The following OSBP2 variants were observed in gnomAD, a reference collection of about 807,000 sequenced individuals.
The protein encoded by OSBP2 is oxysterol-binding protein 2.
A neutral mutation model predicts 96.0 loss-of-function variants in OSBP2; 66 were observed. The ratio of observed to expected loss-of-function variants is 0.69; its 90% CI spans 0.56 to 0.84. The LOEUF is 0.84. Among genes scored for constraint, OSBP2 ranks in the 40% least tolerant of loss-of-function variants. OSBP2 has a pLI of 0.00. For missense variants in OSBP2, 1,038 were observed against 1,222.7 expected (o/e 0.85, Z 2.25); for synonymous variants, 525 against 520.9 (o/e 1.01, Z -0.11).
intron 12 of OSBP2, chr22:30,894,263 C>T: frequency 2.4e-6 from 1 of 413,880 alleles, no homozygotes; most frequent in Non-Finnish European, 4.3e-6. Context: ...AAATAAAAAA[C>T]ATACTTGAAA....
chr22:30,849,153 A>G (rs2038928920), intron 2 of OSBP2, among the ~76,000 whole-genome samples: 1 of 152,152 alleles, frequency 6.6e-6, no homozygotes, highest in Non-Finnish European at 1.5e-5. Context: ...CTGTAGTCCT[A>G]GCTGCTCAGG....
At chr22:30,831,552 CCTGCTT>C (rs2038522407) in intron 2 of OSBP2, among the ~76,000 whole-genome samples, 2 of 152,156 alleles carry the variant, frequency 1.3e-5, no homozygotes, top group South Asian at 4.1e-4. Flanking sequence ...CCTAGCAAAA[CCTGCTT>C]CTTGACTTGT....
At chr22:30,738,660 A>T (rs556092677) in intron 1 of OSBP2, among the ~76,000 whole-genome samples, 1 of 151,978 alleles carries the variant, frequency 6.6e-6, no homozygotes, top group East Asian at 1.9e-4. Flanking sequence ...TCCCAGGTTC[A>T]AGTGATTCTC....
chr22:30,695,419 C>T lies in OSBP2; in HGVS notation c.510C>T (p.Gly170=). 2 of 1,613,742 alleles carry T rather than the reference C, an allele frequency of 1.2e-6. No individual in the cohort carries two copies. Among genetic ancestry groups the T allele is most frequent in the South Asian group, 2.2e-5 (2 of 91,086 alleles). Residue 170 remains glycine, a synonymous_variant, in exon 1 of 14, where the codon GGC becomes GGT. Transcript: ENST00000332585. ...TTGGGGTTCCAATGTCGGGGACTGG[C>T]ACGACCTCCAGTGCCCCACTGGCCT... ...TPLGVPMSGT[G]TTSSAPLALL... is the part of the protein sequence containing the mutation.
chr22:30,815,591 C>T (rs1198161786), intron 2 of OSBP2, among the ~76,000 whole-genome samples: 1 of 152,202 alleles, frequency 6.6e-6, no homozygotes, highest in African/African-American at 2.4e-5. Flanking sequence ...CAAACCTCCT[C>T]TTAATGTTTG....
chr22:30,860,202 G>T (rs1163825996), intron 2 of OSBP2, among the ~76,000 whole-genome samples: 1 of 152,088 alleles, frequency 6.6e-6, no homozygotes, highest in Non-Finnish European at 1.5e-5. Flanking sequence ...CAAGTTACCA[G>T]TCAGTCCCAT....
At chr22:30,742,224 A>T (rs2089948828) in intron 2 of OSBP2, among the ~76,000 whole-genome samples, 1 of 150,870 alleles carries the variant, frequency 6.6e-6, no homozygotes, top group African/African-American at 2.4e-5. Context: ...CGAGGTCAGG[A>T]GTTTGAGACC....
intron 2 of OSBP2, among the ~76,000 whole-genome samples, chr22:30,840,401 C>G (rs750501799): frequency 5.3e-5 from 8 of 151,728 alleles, no homozygotes; most frequent in Non-Finnish European, 1.2e-4. Context: ...TTCATTAGCT[C>G]TAGAATAGAG....
intron 2 of OSBP2, among the ~76,000 whole-genome samples, chr22:30,865,631 C>CAAAAAAAAAAAA (rs398040482): frequency 5.0e-5 from 3 of 59,886 alleles, no homozygotes; most frequent in African/African-American, 1.7e-4. Context: ...GACTCCATCT[C>CAAAAAAAAAAAA]AAAAAAAAAA....
chr22:30,739,384 C>CA (rs2145736812), intron 1 of OSBP2, among the ~76,000 whole-genome samples: 1 of 152,354 alleles, frequency 6.6e-6, no homozygotes, highest in Admixed American at 6.5e-5. Context: ...TGCCTCCCAG[C>CA]AGGAGATGCC....
In OSBP2 at chr22:30,889,488, A is replaced by G. The variant is rs1569167981; in HGVS notation, c.1477-2A>G. On this transcript the variant is annotated splice_acceptor_variant, in intron 6 of 13. Transcript: ENST00000332585. LOFTEE classifies it high-confidence loss of function. ...GTGAGGGGGTCCCCACTTATGTGGC[A>G]GGTACTAGATGGTGCCTCGCTCGTG... 2 of 1,613,960 alleles carry G rather than the reference A, an allele frequency of 1.2e-6. No individual in the cohort carries two copies. The highest frequency in any genetic ancestry group is 1.7e-6 in the Non-Finnish European group (2 of 1,180,018).
Position 30,748,037 on chromosome 22 carries a change from C to G in OSBP2, c.853+6668C>G, listed in dbSNP as rs1024947223. ...GACTACAGGCACCCACCACCACACC[C>G]AGCTAATTTTTGTATTTTTAGTAGA... On this transcript the variant is annotated intron_variant, in intron 2 of 13. Coordinates refer to ENST00000332585, the MANE Select transcript of OSBP2 (RefSeq NM_030758.4). Among the ~76,000 whole-genome samples the G allele has an allele frequency of 1.1e-4, 16 of 151,894 alleles. No homozygotes were observed. The East Asian group carries it at 3.1e-3, about 29-fold the overall frequency.
chr22:30,752,288 CTT>C (rs10691256), intron 2 of OSBP2, among the ~76,000 whole-genome samples: 2 of 48,670 alleles, frequency 4.1e-5, no homozygotes, highest in African/African-American at 8.6e-5. Flanking sequence ...CTTTGCTTTG[CTT>C]TTTTTTTTTT....
At chr22:30,902,505 A>C (rs2040236265) in intron 12 of OSBP2, 1 of 1,544,106 alleles carries the variant, frequency 6.5e-7, no homozygotes. Context: ...CAGATGACGA[A>C]GCTTCAGGGA....
upstream of OSBP2, chr22:30,694,232 G>A: frequency 6.5e-7 from 1 of 1,549,818 alleles, no homozygotes; most frequent in Non-Finnish European, 8.7e-7. Context: ...GTCGTCACTG[G>A]CAGCGAAGCG....
At position 30,695,398 on chromosome 22, in the gene OSBP2, G is replaced by T. The variant is rs568471024; in HGVS notation, c.489G>T (p.Gly163=). The change falls in exon 1 of 14, where the codon GGG becomes GGT. Residue 163 remains glycine (G), a synonymous_variant. Coordinates refer to ENST00000332585, the MANE Select transcript of OSBP2 (RefSeq NM_030758.4). ...CAGGACAGGCGAAGACTCCTCTTGG[G>T]GTTCCAATGTCGGGGACTGGCACGA... is the stretch of plus-strand genomic sequence containing the variant. The part of the protein sequence containing the change: ...LRPGQAKTPL[G]VPMSGTGTTS... The T allele has an allele frequency of 6.2e-7, 1 of 1,613,920 alleles. No homozygotes were observed.
chr22:30,762,238 A>G (rs1318045382), intron 2 of OSBP2, among the ~76,000 whole-genome samples: 1 of 151,344 alleles, frequency 6.6e-6, no homozygotes, highest in Non-Finnish European at 1.5e-5. Context: ...TAAAAAATAA[A>G]AAATAAAATA....
At chr22:30,796,073 A>C (rs757318950) in intron 2 of OSBP2, among the ~76,000 whole-genome samples, 13 of 152,150 alleles carry the variant, frequency 8.5e-5, no homozygotes, top group Non-Finnish European at 1.8e-4. Flanking sequence ...GTATTTTTGA[A>C]AGTTTACATT....
rs1189888564 is a variant in OSBP2 at position 30,890,737 on chromosome 22, AATGAGCCCCTGTCC to A, written c.1637_1650del (p.Glu546AlafsTer72). The A allele has an allele frequency of 6.2e-7, 1 of 1,612,328 alleles. No homozygotes were observed. Among genetic ancestry groups the A allele is most frequent in the Non-Finnish European group, 8.5e-7 (1 of 1,179,980 alleles). The stretch of plus-strand genomic sequence containing the variant: ...ACCTGTCCACCCACAGGTGAACTTC[AATGAGCCCCTGTCC>A]ATGCTCCAGCGGCTGACAGAGGACC... On this transcript the variant is annotated frameshift_variant, in exon 8 of 14. Coordinates refer to ENST00000332585, the MANE Select transcript of OSBP2 (RefSeq NM_030758.4). LOFTEE classifies it high-confidence loss of function. The surrounding 1 kb of genome is among the most constrained non-coding windows in gnomAD (Gnocchi z 4.4).
Sources: allele counts gnomAD v4.1 joint callset (sites outside exome capture counted in the v4.1 genomes callset), GRCh38; gene constraint gnomAD v4.1.1; non-coding constraint Gnocchi (gnomAD v3.1); transcripts MANE v1.5; gene names NCBI Gene and HGNC (gene_info 2026-07-23, HGNC 2026-07-21).